AGBL4: variants seen among roughly 807,000 people sequenced by gnomAD.
The protein encoded by AGBL4 is AGBL carboxypeptidase 4, also known as cytosolic carboxypeptidase 6.
Under a neutral mutation model 66.4 loss-of-function variants are expected in AGBL4, and 58 were observed. The ratio of observed to expected loss-of-function variants is 0.87; its 90% confidence interval spans 0.71 to 1.09. The LOEUF (loss-of-function observed/expected upper bound fraction) is 1.09, where lower values mean the gene tolerates loss of function less well. AGBL4 is among the 50% of genes least tolerant of loss of function. The pLI, the probability that AGBL4 is intolerant of heterozygous loss-of-function variation, is 0.00. For synonymous variants in AGBL4, 234 were observed against 222.9 expected, an observed-to-expected ratio of 1.05 and a Z score of -0.44; for missense variants, 579 against 631.0, an observed-to-expected ratio of 0.92 and a Z score of 0.88.
At chr1:48,539,197 C>G (rs1462125909) in intron 12 of AGBL4, among the ~76,000 whole-genome samples, 1 of 152,214 alleles carries the variant, frequency 6.6e-6, no homozygotes, top group African/African-American at 2.4e-5. Context: ...ACTGACAGCA[C>G]TGTGCTGGGT....
At chr1:49,566,602 G>A (rs995556179) in intron 3 of AGBL4, among the ~76,000 whole-genome samples, 2 of 152,174 alleles carry the variant, frequency 1.3e-5, no homozygotes, top group African/African-American at 4.8e-5. Context: ...AGCAGTGGCT[G>A]CAGAACAGCG....
At chr1:49,471,780 A>T (rs1278438775) in intron 3 of AGBL4, among the ~76,000 whole-genome samples, 6 of 151,976 alleles carry the variant, frequency 3.9e-5, no homozygotes, top group Non-Finnish European at 8.8e-5. Context: ...AAAAACTGTG[A>T]CCCTATTATA....
chr1:48,526,103 A>C, the AGBL4 span, among the ~76,000 whole-genome samples: 1 of 152,248 alleles, frequency 6.6e-6, no homozygotes, highest in Non-Finnish European at 1.5e-5. Flanking sequence ...GTTGCAAAGG[A>C]GACCGCCTAA....
intron 11 of AGBL4, among the ~76,000 whole-genome samples, chr1:48,570,673 G>A (rs1362964556): frequency 2.6e-5 from 4 of 152,058 alleles, no homozygotes; most frequent in Non-Finnish European, 4.4e-5. Flanking sequence ...CTCTTCTCTC[G>A]AGAGATTCCC....
chr1:49,171,527 C>T (rs890263856), intron 4 of AGBL4, among the ~76,000 whole-genome samples: 2 of 151,990 alleles, frequency 1.3e-5, no homozygotes, highest in Non-Finnish European at 2.9e-5. Context: ...GAAATAAACC[C>T]TGGAAACGAG....
chr1:48,598,506 G>A (rs1645029566), intron 9 of AGBL4, among the ~76,000 whole-genome samples: 1 of 152,016 alleles, frequency 6.6e-6, no homozygotes. Context: ...GCCAGGCATG[G>A]TGGCTCACAC....
At chr1:49,366,611 C>G (rs1644246368) in intron 3 of AGBL4, among the ~76,000 whole-genome samples, 1 of 152,112 alleles carries the variant, frequency 6.6e-6, no homozygotes, top group African/African-American at 2.4e-5. Flanking sequence ...CTTATCTGTA[C>G]CCTCCAATAT....
intron 7 of AGBL4, among the ~76,000 whole-genome samples, chr1:48,659,682 C>T (rs911058476): frequency 2.6e-5 from 4 of 152,158 alleles, no homozygotes; most frequent in Non-Finnish European, 5.9e-5. Context: ...CTCAGGAAGG[C>T]GACGAGGAAG....
intron 4 of AGBL4, among the ~76,000 whole-genome samples, chr1:49,146,525 A>G (rs554511416): frequency 9.2e-5 from 14 of 152,356 alleles, no homozygotes; most frequent in African/African-American, 3.4e-4. Flanking sequence ...GAGGAAATGA[A>G]TGAAAAAATG....
intron 6 of AGBL4, among the ~76,000 whole-genome samples, chr1:48,794,808 T>A (rs1171654766): frequency 6.6e-6 from 1 of 152,218 alleles, no homozygotes; most frequent in African/African-American, 2.4e-5. Context: ...TGAACACACC[T>A]AGTGCAGACT....
chr1:49,085,361 G>T (rs890940510), intron 4 of AGBL4, among the ~76,000 whole-genome samples: 1 of 151,604 alleles, frequency 6.6e-6, no homozygotes, highest in Non-Finnish European at 1.5e-5. Flanking sequence ...TTATACACTT[G>T]GCTCCCCTGG....
At chr1:49,010,059 T>G (rs962024693) in intron 5 of AGBL4, among the ~76,000 whole-genome samples, 1 of 152,110 alleles carries the variant, frequency 6.6e-6, no homozygotes, top group Admixed American at 6.5e-5. Flanking sequence ...AAATAAAGGG[T>G]ATTCAATTAG....
chr1:48,540,151 G>T (rs1038714151), intron 11 of AGBL4, among the ~76,000 whole-genome samples: 1 of 152,126 alleles, frequency 6.6e-6, no homozygotes, highest in Non-Finnish European at 1.5e-5. Flanking sequence ...AGAGACATTT[G>T]TTGCATATAG....
chr1:48,833,715 C>T (rs1489048371), intron 6 of AGBL4, among the ~76,000 whole-genome samples: 1 of 152,146 alleles, frequency 6.6e-6, no homozygotes, highest in Non-Finnish European at 1.5e-5. Flanking sequence ...GGAAACACTG[C>T]CAGCTAGAAG....
intron 3 of AGBL4, among the ~76,000 whole-genome samples, chr1:49,583,945 A>G (rs1399861660): frequency 1.3e-5 from 2 of 152,186 alleles, no homozygotes; most frequent in African/African-American, 4.8e-5. Context: ...AACCAACTCC[A>G]GAGATCAGCA....
At chr1:49,290,394 C>G (rs1336170374) in intron 3 of AGBL4, among the ~76,000 whole-genome samples, 1 of 152,106 alleles carries the variant, frequency 6.6e-6, no homozygotes, top group African/African-American at 2.4e-5. Flanking sequence ...ATCACTGAAA[C>G]ATATTTAAAG....
intron 6 of AGBL4, among the ~76,000 whole-genome samples, chr1:48,849,241 G>T (rs1378243860): frequency 6.6e-6 from 1 of 152,234 alleles, no homozygotes; most frequent in Non-Finnish European, 1.5e-5. Context: ...GCCAGGCCTT[G>T]TGGTAAAAAC....
chr1:49,553,004 C>A (rs1653091279), intron 3 of AGBL4, among the ~76,000 whole-genome samples: 2 of 152,068 alleles, frequency 1.3e-5, no homozygotes, highest in South Asian at 4.1e-4. Context: ...ATCCTTCTGC[C>A]TTTAAGTTTT....
chr1:49,864,071 AT>A (rs1646642099), intron 1 of AGBL4, among the ~76,000 whole-genome samples: 1 of 152,222 alleles, frequency 6.6e-6, no homozygotes, highest in Non-Finnish European at 1.5e-5. Flanking sequence ...ACAATGGAGT[AT>A]TATCAGCCAT....
Sources: gnomAD v4.1 joint callset for allele counts (sites outside exome capture counted in the v4.1 genomes callset) on GRCh38, gnomAD v4.1.1 for gene constraint, MANE v1.5 for transcripts, NCBI Gene and HGNC (gene_info 2026-07-23, HGNC 2026-07-21) for gene names.